Variants in ATP2A2 observed in about 807,000 individuals in gnomAD.
ATP2A2 encodes the protein sarcoplasmic/endoplasmic reticulum calcium ATPase 2.
ATP2A2 carries 14 observed loss-of-function variants against 109.3 expected under a neutral mutation model. The observed-to-expected ratio is 0.13, with a 90% CI of 0.08 to 0.20. ATP2A2 has a LOEUF of 0.20. Among genes scored for constraint, ATP2A2 ranks in the 10% least tolerant of loss-of-function variants. The pLI is 1.00. For synonymous variants in ATP2A2, 506 were observed against 490.9 expected (o/e 1.03, Z -0.41); for missense variants, 657 against 1,321.6 (o/e 0.50, Z 7.80).
chr12:110,326,709 C>G (rs1322216817), intron 7 of ATP2A2, among the ~76,000 whole-genome samples: 1 of 152,184 alleles, frequency 6.6e-6, no homozygotes, highest in Non-Finnish European at 1.5e-5. Context: ...TCTTCAAACT[C>G]TTACCTGCAA....
At chr12:110,312,176 A>T (rs1339204708) in intron 5 of ATP2A2, among the ~76,000 whole-genome samples, 1 of 152,030 alleles carries the variant, frequency 6.6e-6, no homozygotes, top group Admixed American at 6.6e-5. Context: ...GAGACAGAGT[A>T]AAACTCTGTC....
intron 8 of ATP2A2, chr12:110,331,077 CTACTAA>C (rs1878286829): frequency 6.6e-6 from 1 of 151,936 alleles, no homozygotes; most frequent in African/African-American, 2.4e-5. Context: ...AACCTCGTCT[CTACTAA>C]TATTACAAAA....
chr12:110,284,849 T>A (rs1343731857), intron 3 of ATP2A2, among the ~76,000 whole-genome samples: 1 of 152,232 alleles, frequency 6.6e-6, no homozygotes, highest in Non-Finnish European at 1.5e-5. Context: ...TGCTTTGGTT[T>A]GTTTGATCAA....
chr12:110,326,710 T>C (rs916863134), intron 7 of ATP2A2, among the ~76,000 whole-genome samples: 3 of 152,184 alleles, frequency 2.0e-5, no homozygotes, highest in Admixed American at 6.5e-5. Flanking sequence ...CTTCAAACTC[T>C]TACCTGCAAA....
chr12:110,286,215 G>A (rs1177657515), intron 3 of ATP2A2, among the ~76,000 whole-genome samples: 1 of 152,120 alleles, frequency 6.6e-6, no homozygotes, highest in South Asian at 2.1e-4. Context: ...GAACCACTGC[G>A]CCTGGCCTAA....
intron 10 of ATP2A2, among the ~76,000 whole-genome samples, chr12:110,333,637 G>A (rs1878554191): frequency 6.6e-6 from 1 of 152,214 alleles, no homozygotes; most frequent in Non-Finnish European, 1.5e-5. Flanking sequence ...GCTAGTCCCT[G>A]TCAGAGACAG....
At chr12:110,308,309 C>T (rs1253912586) in intron 5 of ATP2A2, among the ~76,000 whole-genome samples, 1 of 152,222 alleles carries the variant, frequency 6.6e-6, no homozygotes, top group Non-Finnish European at 1.5e-5. Context: ...TAGGGGAAAG[C>T]ATCCAGTCCT....
chr12:110,283,561 A>ATGT (rs1872368183), intron 3 of ATP2A2, among the ~76,000 whole-genome samples: 1 of 152,084 alleles, frequency 6.6e-6, no homozygotes, highest in Non-Finnish European at 1.5e-5. Flanking sequence ...TTTTTTTTAA[A>ATGT]TGTTCGGTAT....
chr12:110,344,552 C>CGTA (rs1021417204), intron 16 of ATP2A2, among the ~76,000 whole-genome samples: 4 of 152,222 alleles, frequency 2.6e-5, no homozygotes, highest in African/African-American at 9.6e-5. Flanking sequence ...ATGGAGTACA[C>CGTA]ACACACTTGC....
chr12:110,298,814 G>C (rs117422279), intron 5 of ATP2A2, among the ~76,000 whole-genome samples: 4,207 of 152,260 alleles, frequency 0.028, 85 homozygotes, highest in Middle Eastern at 0.082. Context: ...ATGAACTGTT[G>C]AAGGGTATAT....
chr12:110,346,126 G>A lies in ATP2A2; in HGVS notation c.2859+8G>A, dbSNP rs1879830540. 6.2e-7 allele frequency: 1 copy of A among 1,614,064 alleles called. No homozygotes were observed. On this transcript the variant is annotated splice_region_variant and intron_variant, in intron 19 of 19. Coordinates refer to ENST00000539276, the MANE Select transcript of ATP2A2 (RefSeq NM_170665.4). ...TATGTCGAACCCTTGCCAGTAAGTG[G>A]TTGGGTGGGGCTTGGGACCAGCCAC...
chr12:110,289,663 T>G (rs1873054848), intron 3 of ATP2A2, among the ~76,000 whole-genome samples: 1 of 152,174 alleles, frequency 6.6e-6, no homozygotes, highest in Non-Finnish European at 1.5e-5. Context: ...GGAGGAGTGT[T>G]TTCATGATTT....
Position 110,350,144 on chromosome 12 carries a change from T to C in ATP2A2, c.*3674T>C. The C allele has an allele frequency of 6.5e-7, 1 of 1,548,742 alleles. No individual in the cohort carries two copies. The highest frequency in any genetic ancestry group is 8.7e-7 in the Non-Finnish European group (1 of 1,147,756). ...TGGGCGGCACCTCAGGGACAGTAAA[T>C]CAGAAATGCTGGTCTTGAAACCTTG... On this transcript the variant is annotated 3_prime_UTR_variant, in exon 20 of 20. Transcript: ENST00000539276.
chr12:110,344,365 G>C (rs1371300150), intron 16 of ATP2A2, among the ~76,000 whole-genome samples: 1 of 152,178 alleles, frequency 6.6e-6, no homozygotes, highest in African/African-American at 2.4e-5. Context: ...GGGAATCCCA[G>C]AAGCTGCTGA....
At chr12:110,288,957 C>T (rs563649892) in intron 3 of ATP2A2, among the ~76,000 whole-genome samples, 3 of 152,286 alleles carry the variant, frequency 2.0e-5, no homozygotes, top group Non-Finnish European at 2.9e-5. Flanking sequence ...TTTCTCCTTA[C>T]ACAAGGCAAG....
At chr12:110,318,843 A>G (rs1380318954) in intron 5 of ATP2A2, among the ~76,000 whole-genome samples, 1 of 152,178 alleles carries the variant, frequency 6.6e-6, no homozygotes, top group Non-Finnish European at 1.5e-5. Flanking sequence ...ATAGAAGCCA[A>G]TTAAACATAG....
chr12:110,319,027 C>A (rs1193482186), intron 5 of ATP2A2, among the ~76,000 whole-genome samples: 2 of 151,882 alleles, frequency 1.3e-5, no homozygotes, highest in Non-Finnish European at 2.9e-5. Flanking sequence ...ATTTGTAAAA[C>A]CTTTTTAAAA....
Position 110,349,648 on chromosome 12 carries a change from C to T in ATP2A2, c.*3178C>T, listed in dbSNP as rs899667798. 3.0e-6 allele frequency: 3 copies of T among 987,490 alleles called. No individual in the cohort carries two copies. 61.2% of individuals were successfully genotyped at this position (987,490 alleles called of 1,614,324 possible). A position where few individuals can be genotyped will look rare whatever the true frequency, so the allele number is the denominator to read the frequency against. ...GGTGGGCAGACCTAAGACCTGAGAC[C>T]ACAAGATTAGCTCAGTGTCTACCAA... On this transcript the variant is annotated 3_prime_UTR_variant, in exon 20 of 20. Coordinates refer to ENST00000539276, the MANE Select transcript of ATP2A2 (RefSeq NM_170665.4).
intron 6 of ATP2A2, among the ~76,000 whole-genome samples, chr12:110,324,426 AT>A (rs1192467015): frequency 7.1e-4 from 105 of 146,898 alleles, no homozygotes; most frequent in Middle Eastern, 3.5e-3. Flanking sequence ...TTTAAAAAAA[AT>A]TTTTTTTTTT....
Sources: gnomAD v4.1 joint callset for allele counts (sites outside exome capture counted in the v4.1 genomes callset) on GRCh38, gnomAD v4.1.1 for gene constraint, MANE v1.5 for transcripts, NCBI Gene and HGNC (gene_info 2026-07-23, HGNC 2026-07-21) for gene names.